PAQR5: variants seen among roughly 807,000 people sequenced by gnomAD.
PAQR5 encodes the protein membrane progestin receptor gamma.
Under a neutral mutation model 34.5 loss-of-function variants are expected in PAQR5, and 20 were observed. The observed-to-expected ratio is 0.58, with a 90% CI of 0.41 to 0.84. PAQR5 has a LOEUF of 0.84. Among genes scored for constraint, PAQR5 ranks in the 40% least tolerant of loss-of-function variants. The pLI, the probability that PAQR5 is intolerant of heterozygous loss-of-function variation, is 0.00. For synonymous variants in PAQR5, 131 were observed against 155.6 expected, an observed-to-expected ratio of 0.84 and a Z score of 1.18; for missense variants, 378 against 412.7, an observed-to-expected ratio of 0.92 and a Z score of 0.73.
At chr15:69,392,101 C>T (rs2056292150) in intron 6 of PAQR5, 1 of 195,936 alleles carries the variant, frequency 5.1e-6, no homozygotes, top group Non-Finnish European at 1.1e-5. Flanking sequence ...TCCCCATGAG[C>T]TCATAATTCA....
intron 1 of PAQR5, among the ~76,000 whole-genome samples, chr15:69,321,358 C>T (rs60132888): frequency 0.42 from 63,546 of 152,010 alleles, 13,714 homozygotes; most frequent in African/African-American, 0.54. Flanking sequence ...AACTCATGGC[C>T]GTTTTTTATC....
intron 2 of PAQR5, among the ~76,000 whole-genome samples, chr15:69,355,422 T>C (rs2055051549): frequency 6.7e-6 from 1 of 149,716 alleles, no homozygotes; most frequent in African/African-American, 2.5e-5. Context: ...TTTCTTTTTC[T>C]TTTTCTTTTT....
intron 1 of PAQR5, among the ~76,000 whole-genome samples, chr15:69,307,774 G>A (rs998547101): frequency 1.3e-5 from 2 of 152,186 alleles, no homozygotes; most frequent in Non-Finnish European, 2.9e-5. Context: ...CCAAGTGAGA[G>A]AAAGCTGGGG....
chr15:69,340,691 G>C lies in PAQR5; in HGVS notation c.-116+3190G>C, dbSNP rs190449148. Among the ~76,000 whole-genome samples the C allele has an allele frequency of 2.6e-5, 4 of 152,226 alleles. No individual in the cohort carries two copies. In the East Asian group the frequency reaches 7.7e-4, roughly 29 times the overall value. ...TGAGCTTCTGGTCCTTCCAACTCTA[G>C]GACCCATGCACATGTTCCCACTGTT... On this transcript the variant is annotated intron_variant, in intron 2 of 8. Coordinates refer to ENST00000395407, the MANE Select transcript of PAQR5 (RefSeq NM_017705.4).
chr15:69,370,367 C>G (rs1400182543), intron 3 of PAQR5, among the ~76,000 whole-genome samples: 4 of 152,106 alleles, frequency 2.6e-5, no homozygotes, highest in African/African-American at 9.7e-5. Flanking sequence ...CCAGACCTGC[C>G]CTTAACAGAT....
intron 6 of PAQR5, among the ~76,000 whole-genome samples, chr15:69,392,528 C>G (rs1292384406): frequency 1.3e-5 from 2 of 152,130 alleles, no homozygotes; most frequent in Non-Finnish European, 2.9e-5. Flanking sequence ...ATCTAACATT[C>G]CTTAAATGCC....
rs191281439 is a variant in PAQR5 at position 69,391,804 on chromosome 15, C to T, written c.512+2024C>T. 7.5e-3 allele frequency: 3,065 copies of T among 406,618 alleles called. 32 individuals carry two copies. Among genetic ancestry groups the T allele is most frequent in the Middle Eastern group, 0.044 (115 of 2,626 alleles). The allele number at this position is 406,618 out of a possible 1,614,324, so 25.2% of individuals were successfully genotyped here. A position where few individuals can be genotyped will look rare whatever the true frequency, so the allele number is the denominator to read the frequency against. ...GGGTGCAGTGGCTCACACCTGTAAT[C>T]CCAGCATTTTGGGAGCGCCAGGTGG... On this transcript the variant is annotated intron_variant, in intron 6 of 8. Coordinates refer to ENST00000395407, the MANE Select transcript of PAQR5 (RefSeq NM_017705.4).
At chr15:69,353,836 A>G (rs1360333160) in intron 2 of PAQR5, among the ~76,000 whole-genome samples, 1 of 152,196 alleles carries the variant, frequency 6.6e-6, no homozygotes, top group Non-Finnish European at 1.5e-5. Flanking sequence ...TGCTTCCACC[A>G]GGAGACACAA....
At chr15:69,379,488 G>T in intron 3 of PAQR5, 1 of 985,390 alleles carries the variant, frequency 1.0e-6, no homozygotes, top group Non-Finnish European at 1.2e-6. Context: ...GACATGCAGG[G>T]CTTGCCAGCT....
At chr15:69,355,602 G>A (rs1453481367) in intron 2 of PAQR5, among the ~76,000 whole-genome samples, 1 of 151,368 alleles carries the variant, frequency 6.6e-6, no homozygotes, top group East Asian at 1.9e-4. Context: ...TGTATTTTTA[G>A]TAGAAACAGG....
intron 3 of PAQR5, 106 bp from the exon 4 acceptor site, chr15:69,379,777 G>A (rs1322775097): frequency 4.9e-6 from 7 of 1,417,910 alleles, no homozygotes; most frequent in East Asian, 2.3e-5. Context: ...AGGACTTGGG[G>A]TCAAGCGTTC....
At chr15:69,332,188 CT>C (rs796515110) in intron 1 of PAQR5, among the ~76,000 whole-genome samples, 3 of 152,308 alleles carry the variant, frequency 2.0e-5, no homozygotes, top group African/African-American at 7.2e-5. Context: ...ATCTGCTGTA[CT>C]TTGTGCTAAG....
intron 7 of PAQR5, among the ~76,000 whole-genome samples, chr15:69,399,262 C>T (rs2056546755): frequency 6.6e-6 from 1 of 152,180 alleles, no homozygotes. Flanking sequence ...ACAGTTGACC[C>T]TTAAACATGG....
chr15:69,386,347 G>A (rs1181749828), intron 5 of PAQR5, among the ~76,000 whole-genome samples: 1 of 151,632 alleles, frequency 6.6e-6, no homozygotes, highest in African/African-American at 2.4e-5. Context: ...CCACTTCACT[G>A]CCCACTCCTT....
intron 6 of PAQR5, among the ~76,000 whole-genome samples, chr15:69,394,450 G>C (rs2056358224): frequency 6.6e-6 from 1 of 152,186 alleles, no homozygotes; most frequent in African/African-American, 2.4e-5. Flanking sequence ...CCGCCCCCAT[G>C]TACACACACA....
At chr15:69,327,194 A>G (rs1188999783) in intron 1 of PAQR5, among the ~76,000 whole-genome samples, 4 of 151,608 alleles carry the variant, frequency 2.6e-5, no homozygotes, top group Non-Finnish European at 5.9e-5. Context: ...ATGGAGTCTC[A>G]CTATGTTGCC....
chr15:69,306,854 C>G (rs78699200), intron 1 of PAQR5, among the ~76,000 whole-genome samples: 1,642 of 152,286 alleles, frequency 0.011, 32 homozygotes, highest in African/African-American at 0.037. Flanking sequence ...TTCCCCTCCC[C>G]TGGCCCCTTG....
intron 1 of PAQR5, among the ~76,000 whole-genome samples, chr15:69,331,743 T>G (rs1296576866): frequency 6.6e-6 from 1 of 152,142 alleles, no homozygotes; most frequent in Non-Finnish European, 1.5e-5. Flanking sequence ...GGGAAAAAGT[T>G]TGAGCTTTAC....
chr15:69,322,544 A>G (rs2054121456), intron 1 of PAQR5, among the ~76,000 whole-genome samples: 1 of 145,292 alleles, frequency 6.9e-6, no homozygotes, highest in Admixed American at 7.0e-5. Flanking sequence ...CAAGCTACTC[A>G]GGAGGGAGGC....
Sources: allele counts gnomAD v4.1 joint callset (sites outside exome capture counted in the v4.1 genomes callset), GRCh38; gene constraint gnomAD v4.1.1; transcripts MANE v1.5; gene names NCBI Gene and HGNC (gene_info 2026-07-23, HGNC 2026-07-21).